The following GSE1 variants were observed in gnomAD, a reference collection of about 807,000 sequenced individuals.
GSE1 encodes Gse1 coiled-coil protein.
GSE1 carries 32 observed loss-of-function variants against 112.6 expected under a neutral mutation model. The ratio of observed to expected loss-of-function variants is 0.28; its 90% CI spans 0.21 to 0.38. The LOEUF (loss-of-function observed/expected upper bound fraction) is 0.38. GSE1 is among the 10% of genes least tolerant of loss of function. GSE1 has a pLI of 1.00. For missense variants in GSE1, 2,348 were observed against 1,699.2 expected, an observed-to-expected ratio of 1.38 and a Z score of -6.71; for synonymous variants, 1,115 against 735.6, an observed-to-expected ratio of 1.52 and a Z score of -8.35.
intron 1 of GSE1, among the ~76,000 whole-genome samples, chr16:85,585,125 G>A (rs568563791): frequency 3.3e-5 from 5 of 152,238 alleles, no homozygotes; most frequent in East Asian, 1.9e-4. Flanking sequence ...CTGCTGAGCC[G>A]TTTGCCGCTT....
At position 85,357,734 on chromosome 16, in the gene GSE1, A is replaced by G. The variant is rs867966106; in HGVS notation, c.2464+91A>G. 7 of 823,122 alleles carry G rather than the reference A, an allele frequency of 8.5e-6. No homozygotes were observed. The Middle Eastern group carries it at 1.9e-3, about 223-fold the overall frequency. 51.0% of individuals were successfully genotyped at this position (823,122 alleles called of 1,614,324 possible). A position where few individuals can be genotyped will look rare whatever the true frequency, so the allele number is the denominator to read the frequency against. ...GGGGCTCCCAGAGCCGAGTTCAGAT[A>G]CAGTTCCGCCTTGTGTCCTCGGCAT... On this transcript the variant is annotated intron_variant, in intron 2 of 2. Coordinates refer to the GSE1 transcript ENST00000637419.
In GSE1 at chr16:85,606,052, C is replaced by T. The variant is rs567825421; in HGVS notation, c.38-42500C>T. On this transcript the variant is annotated intron_variant, in intron 1 of 2. Coordinates refer to the GSE1 transcript ENST00000635906. ...GCCCATCGGGCTTGGCCGCCAGCCC[C>T]TGCCCTCCTTCTCACCTCCACCACA... 4.6e-5 allele frequency among the ~76,000 whole-genome samples: 7 copies of T among 152,336 alleles called. No homozygotes were observed. The South Asian group carries it at 1.5e-3, about 32-fold the overall frequency.
At chr16:85,462,881 G>T (rs1283060283) in intron 2 of GSE1, among the ~76,000 whole-genome samples, 1 of 149,206 alleles carries the variant, frequency 6.7e-6, no homozygotes, top group Non-Finnish European at 1.5e-5. Context: ...TCCACGCCGC[G>T]GGCAGGGCGC....
chr16:85,515,102 C>T lies in GSE1; in HGVS notation c.2465-118812C>T, dbSNP rs146621406. Among the ~76,000 whole-genome samples the T allele has an allele frequency of 1.3e-3, 199 of 152,294 alleles. 2 individuals are homozygous for T. The highest frequency in any genetic ancestry group is 4.2e-3 in the African/African-American group (174 of 41,564). On this transcript the variant is annotated intron_variant, in intron 2 of 2. Transcript: ENST00000637419. Reference sequence around the variant, plus strand: ...GTGTGCACACGTGTCAGGGGTGCTCCGCCTCCGGGGAGCCCAGGAGGCAAT... The same window carrying T: ...GTGTGCACACGTGTCAGGGGTGCTCTGCCTCCGGGGAGCCCAGGAGGCAAT...
intron 2 of GSE1, among the ~76,000 whole-genome samples, chr16:85,498,504 A>G (rs2051256291): frequency 6.6e-6 from 1 of 152,152 alleles, no homozygotes; most frequent in African/African-American, 2.4e-5. Context: ...CAGACACACA[A>G]ACATACACAG....
chr16:85,335,576 G>A (rs1049469607), intron 1 of GSE1, among the ~76,000 whole-genome samples: 4 of 152,170 alleles, frequency 2.6e-5, no homozygotes, highest in Non-Finnish European at 5.9e-5. Flanking sequence ...CCCAGAATAG[G>A]AGGAGGTACA....
chr16:85,474,958 C>A (rs767971004), intron 2 of GSE1, among the ~76,000 whole-genome samples: 1 of 152,164 alleles, frequency 6.6e-6, no homozygotes, highest in African/African-American at 2.4e-5. Flanking sequence ...TCACTGTAAT[C>A]TGCCCCTCCA....
chr16:85,383,764 G>C (rs573153885), intron 2 of GSE1, among the ~76,000 whole-genome samples: 1 of 152,288 alleles, frequency 6.6e-6, no homozygotes, highest in East Asian at 1.9e-4. Flanking sequence ...GCAGGGTTAA[G>C]AGGGGTCTAC....
intron 1 of GSE1, among the ~76,000 whole-genome samples, chr16:85,617,964 C>G (rs1467212155): frequency 6.6e-6 from 1 of 152,152 alleles, no homozygotes; most frequent in Non-Finnish European, 1.5e-5. Flanking sequence ...CTCTGGATGT[C>G]TGTGGGCCTT....
At chr16:85,496,742 AG>A (rs1457610765) in intron 2 of GSE1, among the ~76,000 whole-genome samples, 3 of 152,102 alleles carry the variant, frequency 2.0e-5, no homozygotes, top group Admixed American at 6.5e-5. Context: ...GGTGCACGAG[AG>A]GGAGGGGCAG....
chr16:85,170,326 C>G (rs1213612110), exon 1 of GSE1: 2 of 985,460 alleles, frequency 2.0e-6, no homozygotes, highest in Non-Finnish European at 2.4e-6. Flanking sequence ...TCCCGAGGCC[C>G]GGGCCAGCGT....
intron 2 of GSE1, among the ~76,000 whole-genome samples, chr16:85,527,060 G>A (rs368585320): frequency 7.2e-5 from 11 of 152,298 alleles, no homozygotes; most frequent in African/African-American, 2.2e-4. Flanking sequence ...CTCTCCCTGC[G>A]TTCACCTCTC....
At chr16:85,180,396 T>A (rs572421127) in intron 1 of GSE1, among the ~76,000 whole-genome samples, 1 of 152,270 alleles carries the variant, frequency 6.6e-6, no homozygotes, top group South Asian at 2.1e-4. Flanking sequence ...CTGCCCATCA[T>A]TAGTGTCATT....
rs973316821 is a variant in GSE1, at chr16:85,654,469, A to T, written c.599+19A>T. 6.4e-7 allele frequency: 1 copy of T among 1,552,258 alleles called. No individual in the cohort carries two copies. Among genetic ancestry groups the T allele is most frequent in the African/African-American group, 1.4e-5 (1 of 73,396 alleles). ...CACTCAAGTAAGTTGGTCGGCGGGG[A>T]CTTCGGTGAGGTGGCCAGGTGGGGA... On this transcript the variant is annotated intron_variant, in intron 4 of 15. Coordinates refer to ENST00000253458, the MANE Select transcript of GSE1 (RefSeq NM_014615.5).
At chr16:85,552,889 T>A (rs2044995122), upstream of GSE1, among the ~76,000 whole-genome samples, 3 of 152,242 alleles carry the variant, frequency 2.0e-5, no homozygotes, top group South Asian at 6.2e-4. Flanking sequence ...TGTAATGACA[T>A]GTTTGCAAAT....
intron 3 of GSE1, among the ~76,000 whole-genome samples, chr16:85,652,526 G>C (rs1205321637): frequency 6.6e-6 from 1 of 151,132 alleles, no homozygotes; most frequent in African/African-American, 2.4e-5. Context: ...AGCAGATGCT[G>C]CCTCTCATTG....
At chr16:85,211,067 G>C (rs561408390) in intron 1 of GSE1, among the ~76,000 whole-genome samples, 2 of 152,344 alleles carry the variant, frequency 1.3e-5, no homozygotes, top group South Asian at 4.1e-4. Flanking sequence ...GGGCCCTTGA[G>C]TGCTCAAGGA....
chr16:85,665,763 G>C (rs947345712), intron 12 of GSE1, among the ~76,000 whole-genome samples: 1 of 152,132 alleles, frequency 6.6e-6, no homozygotes. Flanking sequence ...CTTCCTTCTT[G>C]GGACATCTTT....
At chr16:85,374,988 G>T (rs1048201189) in intron 2 of GSE1, among the ~76,000 whole-genome samples, 1 of 152,230 alleles carries the variant, frequency 6.6e-6, no homozygotes, top group Non-Finnish European at 1.5e-5. Flanking sequence ...AAACAGGGCT[G>T]CGGCCCCAGC....
Sources: allele counts gnomAD v4.1 joint callset (sites outside exome capture counted in the v4.1 genomes callset), GRCh38; gene constraint gnomAD v4.1.1; transcripts MANE v1.5; gene names NCBI Gene and HGNC (gene_info 2026-07-23, HGNC 2026-07-21).